RIC3: variants seen among roughly 807,000 people sequenced by gnomAD.
The protein encoded by RIC3 is protein RIC-3.
Under a neutral mutation model 27.3 loss-of-function variants are expected in RIC3, and 28 were observed. The ratio of observed to expected loss-of-function variants is 1.02; its 90% CI spans 0.76 to 1.41. RIC3 has a LOEUF of 1.41. Among genes scored for constraint, RIC3 ranks in the 40% most tolerant of loss-of-function variants. The probability of loss-of-function intolerance (pLI) is 0.00; values close to 1 mark genes in which losing one functional copy is unlikely to be tolerated. For synonymous variants in RIC3, 184 were observed against 160.4 expected, an observed-to-expected ratio of 1.15 and a Z score of -1.11; for missense variants, 501 against 444.7, an observed-to-expected ratio of 1.13 and a Z score of -1.14.
At chr11:8,095,666 G>A in the RIC3 span, 5 of 1,594,998 alleles carry the variant, frequency 3.1e-6, no homozygotes, top group Non-Finnish European at 4.3e-6. Context: ...CAGAGGAAGG[G>A]TGAGCCCCAT....
intron 1 of RIC3, among the ~76,000 whole-genome samples, chr11:8,145,228 A>G (rs901296551): frequency 2.6e-5 from 4 of 151,872 alleles, no homozygotes; most frequent in South Asian, 2.1e-4. Context: ...AGAAAATACA[A>G]TGTGGTCTCA....
Position 8,163,811 on chromosome 11 carries a change from A to AT in RIC3, c.124+5054dup, listed in dbSNP as rs35000979. ...TCACTCTATCAAAATCCCAACTGGCATTTTTTTTTTTTTTTTTGGCAGAAA... is the reference window on the plus strand; with the variant it reads ...TCACTCTATCAAAATCCCAACTGGCATTTTTTTTTTTTTTTTTTGGCAGAAA... On this transcript the variant is annotated intron_variant, in intron 1 of 5. Transcript: ENST00000309737. Among the ~76,000 whole-genome samples, 1,106 of 136,776 alleles carry AT rather than the reference A, an allele frequency of 8.1e-3. 12 individuals are homozygous for AT. Among genetic ancestry groups the AT allele is most frequent in the South Asian group, 0.038 (162 of 4,298 alleles). 89.7% of individuals were successfully genotyped at this position (136,776 alleles called of 152,430 possible).
chr11:8,106,536 C>T lies in RIC3; in HGVS notation c.*4162G>A, dbSNP rs1253080479. 1 of 152,274 alleles carries T rather than the reference C, an allele frequency of 6.6e-6. No homozygotes were observed. Among genetic ancestry groups the T allele is most frequent in the Non-Finnish European group, 1.5e-5 (1 of 68,096 alleles). The allele number at this position is 152,274 out of a possible 1,614,324, so 9.4% of individuals were successfully genotyped here. Reference sequence around the variant, plus strand: ...GGGTCTGCTGTGCCGCCTGAAGGGGCTGGTGGTTCCTCAGTATCCCCTGTG... The same window carrying T: ...GGGTCTGCTGTGCCGCCTGAAGGGGTTGGTGGTTCCTCAGTATCCCCTGTG... On this transcript the variant is annotated 3_prime_UTR_variant, in exon 6 of 6. Coordinates refer to ENST00000309737, the MANE Select transcript of RIC3 (RefSeq NM_001206671.4).
intron 5 of RIC3, among the ~76,000 whole-genome samples, chr11:8,122,953 T>C (rs1403294445): frequency 6.8e-6 from 1 of 147,004 alleles, no homozygotes; most frequent in Non-Finnish European, 1.5e-5. Flanking sequence ...ATGGCATGGA[T>C]GATGAAATTA....
downstream of RIC3, chr11:8,105,634 T>G (rs572379550): frequency 6.6e-6 from 1 of 152,164 alleles, no homozygotes; most frequent in African/African-American, 2.4e-5. Context: ...AGATGTTACA[T>G]TGTCAAAGCT....
intron 1 of RIC3, among the ~76,000 whole-genome samples, chr11:8,150,055 T>C (rs1032290543): frequency 6.6e-6 from 1 of 152,188 alleles, no homozygotes; most frequent in Non-Finnish European, 1.5e-5. Flanking sequence ...ATAAGACCCA[T>C]GAAGGACGTG....
chr11:8,098,755 C>T, the RIC3 span: 1 of 1,610,684 alleles, frequency 6.2e-7, no homozygotes, highest in Middle Eastern at 1.7e-4. Context: ...GCCTTTATTT[C>T]AGGTCCAACT....
In RIC3 at chr11:8,169,000, G is replaced by A; in HGVS notation, c.-11C>T. On this transcript the variant is annotated 5_prime_UTR_variant, in exon 1 of 6. Transcript: ENST00000309737. ...TGTGGAGTACGCCATGACTGCTCAC[G>A]GTGGTCGCAGGTGCAGACGCCAGCC... is the stretch of plus-strand genomic sequence containing the variant. 1.3e-6 allele frequency: 2 copies of A among 1,563,208 alleles called. No homozygotes were observed. Among genetic ancestry groups the A allele is most frequent in the East Asian group, 2.5e-5 (1 of 39,814 alleles).
At chr11:8,132,082 G>T (rs1384740980) in intron 4 of RIC3, among the ~76,000 whole-genome samples, 6 of 152,058 alleles carry the variant, frequency 3.9e-5, no homozygotes, top group Non-Finnish European at 5.9e-5. Context: ...GCCTGCCAGG[G>T]CCCTTTGCTG....
chr11:8,114,326 G>A (rs573969520), intron 5 of RIC3, among the ~76,000 whole-genome samples: 38 of 152,216 alleles, frequency 2.5e-4, no homozygotes, highest in Non-Finnish European at 4.1e-4. Flanking sequence ...AGATACGGCC[G>A]GGCGTGATGG....
At chr11:8,145,202 T>A (rs10839981) in intron 1 of RIC3, among the ~76,000 whole-genome samples, 29 of 140,282 alleles carry the variant, frequency 2.1e-4, no homozygotes, top group South Asian at 4.5e-4. Context: ...AAAAAAAAAT[T>A]AAAAAAAAAA....
the RIC3 span, chr11:8,094,170 G>C: frequency 6.2e-7 from 1 of 1,613,292 alleles, no homozygotes; most frequent in Non-Finnish European, 8.5e-7. Context: ...CTAGGAAGGA[G>C]AAGAAGGGAA....
At chr11:8,168,796 C>G (rs529214984) in intron 1 of RIC3, 70 bp downstream of exon 1, 1 of 1,548,280 alleles carries the variant, frequency 6.5e-7, no homozygotes, top group East Asian at 2.5e-5. Flanking sequence ...TCAGAGTCAC[C>G]CCTCCCTCAA....
the RIC3 span, chr11:8,097,137 G>C: frequency 2.1e-6 from 3 of 1,438,586 alleles, no homozygotes; most frequent in Non-Finnish European, 2.9e-6. Flanking sequence ...CTCTCCCACC[G>C]CCACGTTAGG....
At chr11:8,137,922 G>A (rs1220226269) in intron 3 of RIC3, among the ~76,000 whole-genome samples, 1 of 148,120 alleles carries the variant, frequency 6.8e-6, no homozygotes, top group East Asian at 2.0e-4. Flanking sequence ...AGTCAGAAGT[G>A]TTAAACTCTT....
At chr11:8,094,097 C>A in the RIC3 span, 24 of 1,614,072 alleles carry the variant, frequency 1.5e-5, no homozygotes, top group Non-Finnish European at 1.9e-5. Flanking sequence ...ACGCGCCCAA[C>A]AGCACCAGCT....
At chr11:8,112,804 T>C (rs1229556821) in intron 5 of RIC3, among the ~76,000 whole-genome samples, 5 of 152,198 alleles carry the variant, frequency 3.3e-5, no homozygotes, top group Non-Finnish European at 7.4e-5. Context: ...TTAGATTCTT[T>C]CCAATTTTCC....
chr11:8,146,031 T>C (rs1212492162), intron 1 of RIC3, among the ~76,000 whole-genome samples: 1 of 152,214 alleles, frequency 6.6e-6, no homozygotes, highest in Non-Finnish European at 1.5e-5. Context: ...CTCTGGTGAA[T>C]AAATCCCACA....
chr11:8,094,093 C>G, the RIC3 span: 2 of 1,614,174 alleles, frequency 1.2e-6, no homozygotes, highest in Non-Finnish European at 1.7e-6. Flanking sequence ...AGCCACGCGC[C>G]CAACAGCACC....
Sources: allele counts gnomAD v4.1 joint callset (sites outside exome capture counted in the v4.1 genomes callset), GRCh38; gene constraint gnomAD v4.1.1; transcripts MANE v1.5; gene names NCBI Gene and HGNC (gene_info 2026-07-23, HGNC 2026-07-21).